SULT6B1: variants seen among roughly 807,000 people sequenced by gnomAD.
SULT6B1 encodes sulfotransferase 6B1.
Under a neutral mutation model 37.2 loss-of-function variants are expected in SULT6B1, and 44 were observed. That is an observed-to-expected ratio of 1.18 (90% confidence interval 0.93 to 1.52). The LOEUF is 1.52. Ranked by LOEUF, SULT6B1 falls within the 40% of genes most tolerant of loss-of-function variation. The pLI is 0.00. For synonymous variants in SULT6B1, 140 were observed against 126.0 expected (o/e 1.11, Z -0.74); for missense variants, 450 against 361.0 (o/e 1.25, Z -2.00).
At chr2:37,187,260 A>T in intron 2 of SULT6B1, 95 bp downstream of exon 2, 1 of 793,496 alleles carries the variant, frequency 1.3e-6, no homozygotes, top group East Asian at 2.5e-5. Flanking sequence ...AATTATTAGC[A>T]TTGCACTTTC....
chr2:37,183,549 C>T (rs763611464), intron 2 of SULT6B1, 35 bp from the exon 3 acceptor site: 10 of 1,526,218 alleles, frequency 6.6e-6, no homozygotes, highest in Admixed American at 1.7e-5. Context: ...AAAATGTGCA[C>T]GTGTGTGCAT....
rs115402427 is a variant in SULT6B1 at position 37,188,290 on chromosome 2, A to T, written c.199+152T>A. ...AGCAGTTCTATTTACTGATTTTACA[A>T]CCTACGTACTTAACCACTGTGGCCC... On this transcript the variant is annotated intron_variant, in intron 1 of 6. Transcript: ENST00000535679. 2.6e-3 allele frequency: 1,478 copies of T among 578,040 alleles called. 19 individuals are homozygous for T. Among genetic ancestry groups the T allele is most frequent in the African/African-American group, 0.024 (1,270 of 53,070 alleles). The allele number at this position is 578,040 out of a possible 1,614,324, so 35.8% of individuals were successfully genotyped here. A position where few individuals can be genotyped will look rare whatever the true frequency, so the allele number is the denominator to read the frequency against.
intron 1 of SULT6B1, among the ~76,000 whole-genome samples, chr2:37,195,152 G>T (rs934166976): frequency 6.6e-6 from 1 of 151,938 alleles, no homozygotes; most frequent in African/African-American, 2.4e-5. Flanking sequence ...GTTTCTCCTT[G>T]TTGGCTAGGC....
intron 3 of SULT6B1, among the ~76,000 whole-genome samples, chr2:37,182,357 G>T (rs557350493): frequency 6.6e-6 from 1 of 151,740 alleles, no homozygotes; most frequent in Non-Finnish European, 1.5e-5. Context: ...AGATTCAAGC[G>T]ATTCTGCTGC....
At chr2:37,188,678 C>CA, upstream of SULT6B1, 1 of 740,058 alleles carries the variant, frequency 1.4e-6, no homozygotes, top group South Asian at 1.6e-5. Context: ...TGTGGCTGTT[C>CA]AGGGGGAGTG....
upstream of SULT6B1, among the ~76,000 whole-genome samples, chr2:37,193,648 G>GAAGAAGAAGAAGAAT (rs1676833521): frequency 1.4e-5 from 2 of 143,722 alleles, no homozygotes; most frequent in South Asian, 2.2e-4. Context: ...AGAAGAAGAA[G>GAAGAAGAAGAAGAAT]AAGGAGAAGA....
chr2:37,183,329 G>A, intron 3 of SULT6B1, 96 bp downstream of exon 3: 1 of 936,816 alleles, frequency 1.1e-6, no homozygotes, highest in South Asian at 1.7e-5. Flanking sequence ...CATTTATTAA[G>A]CTTCTATGAG....
At chr2:37,190,929 G>C (rs1002314266), upstream of SULT6B1, among the ~76,000 whole-genome samples, 68 of 152,086 alleles carry the variant, frequency 4.5e-4, no homozygotes, top group Non-Finnish European at 1.0e-4. Flanking sequence ...TTCAAGATTA[G>C]CTTCTGGAAT....
intron 5 of SULT6B1, among the ~76,000 whole-genome samples, chr2:37,172,419 C>T (rs955118362): frequency 1.3e-5 from 2 of 152,100 alleles, no homozygotes; most frequent in African/African-American, 4.8e-5. Flanking sequence ...CTATGGTGCA[C>T]AAGTTTCAGA....
At chr2:37,176,006 C>T (rs888682602) in intron 4 of SULT6B1, among the ~76,000 whole-genome samples, 1 of 151,982 alleles carries the variant, frequency 6.6e-6, no homozygotes, top group Admixed American at 6.6e-5. Context: ...AATTTAGTTC[C>T]TTGGCACCAG....
At chr2:37,178,923 T>A (rs747902867) in intron 4 of SULT6B1, among the ~76,000 whole-genome samples, 7 of 152,138 alleles carry the variant, frequency 4.6e-5, no homozygotes, top group Non-Finnish European at 1.0e-4. Context: ...TCTGTACTCA[T>A]AGTCAACATA....
intron 5 of SULT6B1, among the ~76,000 whole-genome samples, chr2:37,174,383 T>C (rs1235980628): frequency 6.6e-6 from 1 of 151,664 alleles, no homozygotes; most frequent in Non-Finnish European, 1.5e-5. Flanking sequence ...TACAGGTACA[T>C]GCCTAATTTT....
intron 5 of SULT6B1, among the ~76,000 whole-genome samples, chr2:37,171,946 T>C (rs1224817621): frequency 2.0e-5 from 3 of 152,332 alleles, no homozygotes; most frequent in African/African-American, 7.2e-5. Context: ...ATTAATGTAT[T>C]CCTATGTGCT....
At chr2:37,168,171 A>C in intron 6 of SULT6B1, 106 bp from the exon 7 acceptor site, 1 of 1,169,364 alleles carries the variant, frequency 8.6e-7, no homozygotes, top group Non-Finnish European at 1.2e-6. Flanking sequence ...AAATGGACAC[A>C]TGGAAAAAAG....
chr2:37,177,267 GA>G (rs199904973), intron 4 of SULT6B1, among the ~76,000 whole-genome samples: 17 of 151,276 alleles, frequency 1.1e-4, no homozygotes, highest in African/African-American at 4.1e-4. Flanking sequence ...TCTACAAAAA[GA>G]AAAAAAATCA....
upstream of SULT6B1, chr2:37,191,202 T>A (rs1042816980): frequency 9.5e-5 from 14 of 146,970 alleles, no homozygotes; most frequent in Admixed American, 7.7e-4. Context: ...TACCAGTGAA[T>A]TCTTTGGTTC....
upstream of SULT6B1, among the ~76,000 whole-genome samples, chr2:37,190,706 T>C (rs532210658): frequency 1.3e-5 from 2 of 152,180 alleles, no homozygotes; most frequent in African/African-American, 2.4e-5. Flanking sequence ...AAATTGACCA[T>C]AGCGTTTTTA....
upstream of SULT6B1, among the ~76,000 whole-genome samples, chr2:37,193,655 A>AAGAAGAAGAAGG (rs1676834134): frequency 6.7e-6 from 1 of 149,414 alleles, no homozygotes; most frequent in Non-Finnish European, 1.5e-5. Flanking sequence ...GAAGAAGGAG[A>AAGAAGAAGAAGG]AGAAGGAGAA....
intron 4 of SULT6B1, among the ~76,000 whole-genome samples, chr2:37,177,684 T>C (rs935924251): frequency 2.6e-5 from 4 of 152,160 alleles, no homozygotes; most frequent in African/African-American, 9.7e-5. Context: ...TTATACCATA[T>C]AATATTCGTT....
Sources: allele counts gnomAD v4.1 joint callset (sites outside exome capture counted in the v4.1 genomes callset), GRCh38; gene constraint gnomAD v4.1.1; transcripts MANE v1.5; gene names NCBI Gene and HGNC (gene_info 2026-07-23, HGNC 2026-07-21).